The following MARCHF7 variants were observed in gnomAD, a reference collection of about 807,000 sequenced individuals.
MARCHF7 encodes membrane associated ring-CH-type finger 7, also known as E3 ubiquitin-protein ligase MARCHF7.
Under a neutral mutation model 76.5 loss-of-function variants are expected in MARCHF7, and 20 were observed. The observed-to-expected ratio is 0.26, with a 90% CI of 0.18 to 0.38. MARCHF7 has a LOEUF of 0.38. Among genes scored for constraint, MARCHF7 ranks in the 10% least tolerant of loss-of-function variants. The pLI is 1.00. For synonymous variants in MARCHF7, 295 were observed against 293.0 expected, an observed-to-expected ratio of 1.01 and a Z score of -0.07; for missense variants, 797 against 812.9, an observed-to-expected ratio of 0.98 and a Z score of 0.24.
chr2:159,721,131 C>G (rs1334198134), intron 3 of MARCHF7, among the ~76,000 whole-genome samples: 1 of 151,650 alleles, frequency 6.6e-6, no homozygotes, highest in Non-Finnish European at 1.5e-5. Context: ...TTCCAAGGTG[C>G]TGGTATTACA....
At chr2:159,740,448 A>G (rs1210568380) in intron 4 of MARCHF7, among the ~76,000 whole-genome samples, 4 of 152,184 alleles carry the variant, frequency 2.6e-5, no homozygotes, top group Admixed American at 2.6e-4. Flanking sequence ...GCTATTTTAG[A>G]TGTCCTACTG....
At chr2:159,767,160 T>C in intron 11 of MARCHF7, 124 bp from the exon 12 acceptor site, 1 of 689,546 alleles carries the variant, frequency 1.5e-6, no homozygotes, top group Non-Finnish European at 2.5e-6. Context: ...ATCATTTTGA[T>C]CAAACAATAT....
chr2:159,770,018 A>T lies in MARCHF7; in HGVS notation c.*2676A>T, dbSNP rs1708084396. The T allele has an allele frequency of 6.6e-6, 1 of 152,146 alleles. No individual in the cohort carries two copies. The highest frequency in any genetic ancestry group is 1.5e-5 in the Non-Finnish European group (1 of 68,006). The allele number at this position is 152,146 out of a possible 1,614,324, so 9.4% of individuals were successfully genotyped here. ...GGCTCATTGGACATTGTAGTTGTAG[A>T]CGTTTGAGACTGTTGGTTTTAAGTT... On this transcript the variant is annotated 3_prime_UTR_variant, in exon 12 of 12. Transcript: ENST00000409175.
Position 159,743,176 on chromosome 2 carries a change from A to G in MARCHF7, c.269A>G (p.Lys90Arg). The G allele has an allele frequency of 6.2e-7, 1 of 1,614,230 alleles. No individual in the cohort carries two copies. Among genetic ancestry groups the G allele is most frequent in the Non-Finnish European group, 8.5e-7 (1 of 1,180,030 alleles). Residue 90 changes from lysine to arginine, a missense_variant, in exon 5 of 12, where the codon AAA becomes AGA. By Grantham distance (26) the Lys-to-Arg change is conservative. This residue lies in a region of MARCHF7 where 643 missense variants were observed against 631.5 expected (regional missense o/e 1.02). Coordinates refer to ENST00000409175, the MANE Select transcript of MARCHF7 (RefSeq NM_001282805.2). ...AACCAGCAACGGGATCATGATTCAA[A>G]AAGACCTAAACTTTCCTGTACAAAC... Reference protein sequence around the residue: ...SQNQQRDHDSKRPKLSCTNCT... With the variant: ...SQNQQRDHDSRRPKLSCTNCT...
chr2:159,752,618 T>C (rs1489497742), intron 8 of MARCHF7, 47 bp downstream of exon 8: 6 of 1,396,686 alleles, frequency 4.3e-6, no homozygotes, highest in Non-Finnish European at 5.7e-6. Context: ...AAGAGATGCA[T>C]GTATGTATGC....
chr2:159,757,093 T>C (rs1356900499), intron 8 of MARCHF7, among the ~76,000 whole-genome samples: 1 of 152,068 alleles, frequency 6.6e-6, no homozygotes, highest in East Asian at 1.9e-4. Flanking sequence ...TGGAGTTTTG[T>C]CAAGTTGGCC....
chr2:159,728,302 A>G (rs1415242136), intron 3 of MARCHF7, among the ~76,000 whole-genome samples: 1 of 152,202 alleles, frequency 6.6e-6, no homozygotes, highest in African/African-American at 2.4e-5. Context: ...TATTGCTATT[A>G]TTTTTGTTAT....
intron 4 of MARCHF7, chr2:159,734,072 C>G (rs1703155261): frequency 1.5e-6 from 2 of 1,356,746 alleles, no homozygotes; most frequent in Non-Finnish European, 1.9e-6. Context: ...CATCTTATGT[C>G]TTTAGTAACA....
intron 4 of MARCHF7, among the ~76,000 whole-genome samples, chr2:159,731,038 A>T (rs72996614): frequency 0.074 from 11,318 of 152,018 alleles, 873 homozygotes; most frequent in African/African-American, 0.19. Flanking sequence ...GACTGCAGGG[A>T]CGTGCCACCA....
At chr2:159,720,379 G>A (rs1225910703) in intron 3 of MARCHF7, among the ~76,000 whole-genome samples, 1 of 152,136 alleles carries the variant, frequency 6.6e-6, no homozygotes, top group African/African-American at 2.4e-5. Flanking sequence ...CTTCCATTTT[G>A]GGTGTCTCAT....
Position 159,747,956 on chromosome 2 carries a change from A to G in MARCHF7, c.666A>G (p.Leu222=). The G allele has an allele frequency of 6.2e-7, 1 of 1,614,056 alleles. No individual in the cohort carries two copies. The highest frequency in any genetic ancestry group is 2.2e-5 in the East Asian group (1 of 44,868). ...ILSSRDSRNS[L]RSNFSSRESE... Reference sequence around the variant, plus strand: ...GTTCTAGGGACTCCAGAAATTCTTTAAGATCAAATTTTTCTTCAAGAGAAT... The same window carrying G: ...GTTCTAGGGACTCCAGAAATTCTTTGAGATCAAATTTTTCTTCAAGAGAAT... The change falls in exon 7 of 12, where the codon TTA becomes TTG. Residue 222 remains leucine (L), a synonymous_variant. Transcript: ENST00000409175.
At chr2:159,731,801 T>A (rs549972982) in intron 4 of MARCHF7, among the ~76,000 whole-genome samples, 14 of 150,810 alleles carry the variant, frequency 9.3e-5, no homozygotes, top group South Asian at 4.2e-4. Context: ...TAGCATTTTT[T>A]AAAAAAAACC....
intron 6 of MARCHF7, among the ~76,000 whole-genome samples, chr2:159,746,670 A>G (rs967411428): frequency 1.3e-4 from 20 of 152,154 alleles, no homozygotes; most frequent in African/African-American, 4.8e-4. Flanking sequence ...CAAAGTGTTG[A>G]GATTACAGGT....
chr2:159,736,794 A>G (rs1703510077), intron 4 of MARCHF7, among the ~76,000 whole-genome samples: 1 of 152,214 alleles, frequency 6.6e-6, no homozygotes, highest in Non-Finnish European at 1.5e-5. Context: ...AAGTCTTGGA[A>G]AGTTATTTTC....
In MARCHF7 at chr2:159,751,375, A is replaced by G. The variant is rs1411829484; in HGVS notation, c.1614-1027A>G. On this transcript the variant is annotated intron_variant, in intron 7 of 11. Coordinates refer to ENST00000409175, the MANE Select transcript of MARCHF7 (RefSeq NM_001282805.2). ...ATACCTAAGGATTTTAAGACATTCT[A>G]CAATTAAAAATGGTACAGAAAAATT... 2.6e-5 allele frequency among the ~76,000 whole-genome samples: 4 copies of G among 152,316 alleles called. 1 individual carries two copies. The highest frequency in any genetic ancestry group is 4.1e-4 in the South Asian group (2 of 4,828).
At chr2:159,750,133 T>C (rs1358891915) in intron 7 of MARCHF7, among the ~76,000 whole-genome samples, 3 of 152,236 alleles carry the variant, frequency 2.0e-5, no homozygotes, top group Admixed American at 2.0e-4. Flanking sequence ...CTCAAACTCC[T>C]GGCTTCAAGC....
chr2:159,723,957 TGCATAGCATCCCCCTTAA>T (rs1360853672), intron 3 of MARCHF7, among the ~76,000 whole-genome samples: 2 of 152,318 alleles, frequency 1.3e-5, no homozygotes, highest in East Asian at 3.9e-4. Flanking sequence ...CCATGCTTTC[TGCATAGCATCCCCCTTAA>T]GTTCCCCTTT....
chr2:159,753,070 T>C (rs1175344657), intron 8 of MARCHF7, among the ~76,000 whole-genome samples: 1 of 152,164 alleles, frequency 6.6e-6, no homozygotes, highest in Non-Finnish European at 1.5e-5. Context: ...CTTGTAGTGA[T>C]ATTGGGTGTT....
chr2:159,722,774 C>T (rs1701774761), intron 3 of MARCHF7, among the ~76,000 whole-genome samples: 1 of 152,172 alleles, frequency 6.6e-6, no homozygotes, highest in South Asian at 2.1e-4. Flanking sequence ...TCATGTAACA[C>T]CTACATTGTC....
Sources: allele counts gnomAD v4.1 joint callset (sites outside exome capture counted in the v4.1 genomes callset), GRCh38; gene constraint gnomAD v4.1.1; regional missense constraint gnomAD v4.1.1; transcripts MANE v1.5; gene names NCBI Gene and HGNC (gene_info 2026-07-23, HGNC 2026-07-21).